Variants in RGS13 observed in about 807,000 individuals in gnomAD.
RGS13 encodes regulator of G protein signaling 13, also known as regulator of G-protein signalling 13.
In RGS13, 14 loss-of-function variants were observed where a neutral mutation model predicts 19.9. That is an observed-to-expected ratio of 0.70 (90% CI 0.46 to 1.10). RGS13 has a LOEUF of 1.10. RGS13 is among the 50% of genes least tolerant of loss of function. The pLI is 0.00. For synonymous variants in RGS13, 60 were observed against 56.8 expected (o/e 1.06, Z -0.25); for missense variants, 205 against 187.1 (o/e 1.10, Z -0.56).
chr1:192,642,852 AT>A (rs1207972504), intron 3 of RGS13, among the ~76,000 whole-genome samples: 1 of 151,376 alleles, frequency 6.6e-6, no homozygotes, highest in Non-Finnish European at 1.5e-5. Context: ...ACATTTCGGG[AT>A]TTTTTGTTTT....
rs567713001 is a variant in RGS13, at chr1:192,636,710, C to T, written c.-116+393C>T. Among the ~76,000 whole-genome samples, 36 of 151,350 alleles carry T rather than the reference C, an allele frequency of 2.4e-4. No homozygotes were observed. The South Asian group carries it at 7.3e-3, about 31-fold the overall frequency. On this transcript the variant is annotated intron_variant, in intron 1 of 6. Coordinates refer to ENST00000391995, the MANE Select transcript of RGS13 (RefSeq NM_002927.5). The stretch of plus-strand genomic sequence containing the variant: ...ATCATGCATTACCAAATTATTAGTT[C>T]CATCCTTTGTTAACTGTACTGAAGC...
chr1:192,654,363 G>A lies in RGS13; in HGVS notation c.128-3838G>A, dbSNP rs1014669542. Among the ~76,000 whole-genome samples the A allele has an allele frequency of 3.3e-5, 5 of 150,572 alleles. No homozygotes were observed. The South Asian group carries it at 6.3e-4, about 19-fold the overall frequency. ...ATTTAAAAAATACATTAAAATAAAG[G>A]ACCATAAATTTGAAAAAAAGACCCA... On this transcript the variant is annotated intron_variant, in intron 5 of 6. Coordinates refer to ENST00000391995, the MANE Select transcript of RGS13 (RefSeq NM_002927.5).
chr1:192,656,093 A>C (rs1485328521), intron 5 of RGS13, among the ~76,000 whole-genome samples: 1 of 152,128 alleles, frequency 6.6e-6, no homozygotes, highest in African/African-American at 2.4e-5. Context: ...ATTTTACTAC[A>C]TAATTAAGCT....
intron 5 of RGS13, among the ~76,000 whole-genome samples, chr1:192,657,417 C>T (rs2102039161): frequency 6.6e-6 from 1 of 152,160 alleles, no homozygotes; most frequent in East Asian, 1.9e-4. Flanking sequence ...TTACTACCTA[C>T]AAAGTAATGT....
chr1:192,654,004 T>C (rs987209467), intron 5 of RGS13, among the ~76,000 whole-genome samples: 4 of 151,800 alleles, frequency 2.6e-5, no homozygotes, highest in Non-Finnish European at 4.4e-5. Context: ...CTAATGTAAA[T>C]GACGAGTTAA....
chr1:192,660,178 G>A lies in RGS13; in HGVS notation c.*655G>A, dbSNP rs1336574045. 6.6e-6 allele frequency: 1 copy of A among 151,982 alleles called. No individual in the cohort carries two copies. The highest frequency in any genetic ancestry group is 2.4e-5 in the African/African-American group (1 of 41,406). 9.4% of individuals were successfully genotyped at this position (151,982 alleles called of 1,614,324 possible). On this transcript the variant is annotated 3_prime_UTR_variant, in exon 7 of 7. Transcript: ENST00000391995. ...CATTGCTATAAGGATATAAAATGTG[G>A]TTTCTATATTTTGAGATGTTTTTTC...
intron 3 of RGS13, among the ~76,000 whole-genome samples, chr1:192,643,545 C>T (rs746767652): frequency 2.8e-5 from 4 of 142,370 alleles, no homozygotes; most frequent in Admixed American, 7.9e-5. Flanking sequence ...ATAAGCAGCA[C>T]CCTTAAAATT....
chr1:192,644,420 T>C (rs1331681433), intron 4 of RGS13, 21 bp downstream of exon 4: 7 of 1,538,124 alleles, frequency 4.6e-6, no homozygotes, highest in Non-Finnish European at 6.3e-6. Context: ...TTTAAGTTTC[T>C]ATGGTAATTG....
At chr1:192,644,647 T>G (rs1412081709) in intron 4 of RGS13, 1 of 333,486 alleles carries the variant, frequency 3.0e-6, no homozygotes, top group African/African-American at 2.1e-5. Flanking sequence ...GTCTCTGTTC[T>G]TTTTAAAAAA....
At position 192,655,002 on chromosome 1, in the gene RGS13, T is replaced by C. The variant is rs145246525; in HGVS notation, c.128-3199T>C. On this transcript the variant is annotated intron_variant, in intron 5 of 6. Coordinates refer to ENST00000391995, the MANE Select transcript of RGS13 (RefSeq NM_002927.5). The stretch of plus-strand genomic sequence containing the variant: ...TCTGAGCATAATGTTCAGGAATGAG[T>C]ATCATTTAAAACTTCAGAACAGCCT... Among the ~76,000 whole-genome samples, 22 of 152,168 alleles carry C rather than the reference T, an allele frequency of 1.4e-4. No homozygotes were observed. In the East Asian group the frequency reaches 4.3e-3, roughly 29 times the overall value.
intron 5 of RGS13, among the ~76,000 whole-genome samples, chr1:192,649,249 A>G (rs1381842856): frequency 6.6e-6 from 1 of 152,148 alleles, no homozygotes; most frequent in African/African-American, 2.4e-5. Context: ...TTAAACAAAT[A>G]TATCTTCTGG....
chr1:192,640,127 G>A (rs1370302131), intron 3 of RGS13, among the ~76,000 whole-genome samples: 1 of 152,032 alleles, frequency 6.6e-6, no homozygotes, highest in Non-Finnish European at 1.5e-5. Flanking sequence ...AGATAGGGAA[G>A]ACTAATAATA....
intron 5 of RGS13, among the ~76,000 whole-genome samples, chr1:192,650,273 C>T (rs930466548): frequency 3.6e-4 from 55 of 151,964 alleles, no homozygotes; most frequent in Non-Finnish European, 8.8e-5. Flanking sequence ...TTTATAAAAG[C>T]CAGCAAAAAT....
intron 5 of RGS13, among the ~76,000 whole-genome samples, chr1:192,649,609 C>A (rs1338760324): frequency 6.6e-6 from 1 of 152,118 alleles, no homozygotes; most frequent in Non-Finnish European, 1.5e-5. Flanking sequence ...TTAGTACTCT[C>A]TACACCCTAA....
In RGS13 at chr1:192,640,860, G is replaced by A. The variant is rs189637106; in HGVS notation, c.-5+2657G>A. Reference sequence around the variant, plus strand: ...CTTAACTCCTACATTCTGAATTCTAGCCCCTCCTTCTTCTTCAGGAACCTG... The same window carrying A: ...CTTAACTCCTACATTCTGAATTCTAACCCCTCCTTCTTCTTCAGGAACCTG... On this transcript the variant is annotated intron_variant, in intron 3 of 6. Transcript: ENST00000391995. 1.7e-4 allele frequency among the ~76,000 whole-genome samples: 26 copies of A among 152,086 alleles called. No individual in the cohort carries two copies. In the East Asian group the frequency reaches 3.5e-3, roughly 20 times the overall value.
rs1293676652 is a variant in RGS13 at position 192,658,382 on chromosome 1, A to G, written c.294+15A>G. The G allele has an allele frequency of 1.2e-6, 2 of 1,602,648 alleles. No individual in the cohort carries two copies. The highest frequency in any genetic ancestry group is 2.2e-5 in the East Asian group (1 of 44,696). On this transcript the variant is annotated intron_variant, in intron 6 of 6. Coordinates refer to ENST00000391995, the MANE Select transcript of RGS13 (RefSeq NM_002927.5). ...CCCCTAGAGAGGTAACTACCTGACA[A>G]TGACAGGAATGGAAATCAGTTCATC...
At chr1:192,648,562 G>A (rs150576371) in intron 5 of RGS13, among the ~76,000 whole-genome samples, 11 of 152,104 alleles carry the variant, frequency 7.2e-5, no homozygotes, top group Non-Finnish European at 1.6e-4. Flanking sequence ...AGTCAATTGC[G>A]TTTGGGGTCA....
intron 5 of RGS13, among the ~76,000 whole-genome samples, chr1:192,649,909 T>C (rs762770995): frequency 6.6e-6 from 1 of 152,128 alleles, no homozygotes; most frequent in Non-Finnish European, 1.5e-5. Flanking sequence ...GTTTTTTATA[T>C]AGTGGCTTTC....
chr1:192,657,764 T>G (rs189369789), intron 5 of RGS13, among the ~76,000 whole-genome samples: 183 of 152,270 alleles, frequency 1.2e-3, no homozygotes, highest in African/African-American at 3.9e-3. Flanking sequence ...TTGGATATTT[T>G]TCTCCTGACC....
Sources: allele counts gnomAD v4.1 joint callset (sites outside exome capture counted in the v4.1 genomes callset), GRCh38; gene constraint gnomAD v4.1.1; transcripts MANE v1.5; gene names NCBI Gene and HGNC (gene_info 2026-07-23, HGNC 2026-07-21).